The following LRRTM4 variants were observed in gnomAD, a reference collection of about 807,000 sequenced individuals.
LRRTM4 encodes the protein leucine-rich repeat transmembrane neuronal protein 4.
A neutral mutation model predicts 47.6 loss-of-function variants in LRRTM4; 25 were observed. That is an observed-to-expected ratio of 0.53 (90% CI 0.38 to 0.73). The LOEUF (loss-of-function observed/expected upper bound fraction) is 0.73, where lower values mean the gene tolerates loss of function less well. Among genes scored for constraint, LRRTM4 ranks in the 30% least tolerant of loss-of-function variants. The probability of loss-of-function intolerance (pLI) is 0.00; values close to 1 mark genes in which losing one functional copy is unlikely to be tolerated. For synonymous variants in LRRTM4, 311 were observed against 269.5 expected (o/e 1.15, Z -1.51); for missense variants, 638 against 713.4 (o/e 0.89, Z 1.20).
chr2:77,458,350 T>G (rs1328978562), intron 3 of LRRTM4, among the ~76,000 whole-genome samples: 1 of 152,094 alleles, frequency 6.6e-6, no homozygotes, highest in Non-Finnish European at 1.5e-5. Context: ...GTCGTTTCTT[T>G]TTGTGTTTCT....
chr2:77,453,147 G>C (rs1028618891), intron 3 of LRRTM4, among the ~76,000 whole-genome samples: 2 of 138,086 alleles, frequency 1.4e-5, no homozygotes, highest in Admixed American at 7.2e-5. Context: ...ATATTCCACT[G>C]TAATTTTGAT....
chr2:77,078,380 C>CCA (rs59703273), intron 3 of LRRTM4, among the ~76,000 whole-genome samples: 16,312 of 139,200 alleles, frequency 0.12, 905 homozygotes, highest in Admixed American at 0.18. Flanking sequence ...ACACACACAC[C>CCA]CACACACACA....
intron 3 of LRRTM4, among the ~76,000 whole-genome samples, chr2:77,128,020 G>A (rs545061357): frequency 1.3e-5 from 2 of 152,030 alleles, no homozygotes; most frequent in Non-Finnish European, 2.9e-5. Context: ...GCGCACGCCT[G>A]TAATCCCAGC....
chr2:76,785,845 A>G (rs1312859068), intron 3 of LRRTM4, among the ~76,000 whole-genome samples: 2 of 152,162 alleles, frequency 1.3e-5, no homozygotes, highest in African/African-American at 4.8e-5. Flanking sequence ...ATTTTAAAAG[A>G]CAAGGATCAG....
chr2:77,468,176 T>C (rs1041390801), intron 3 of LRRTM4, among the ~76,000 whole-genome samples: 6 of 152,150 alleles, frequency 3.9e-5, no homozygotes, highest in Non-Finnish European at 7.4e-5. Context: ...AACTAAAGGA[T>C]AGGAAAATAG....
chr2:76,932,762 C>T (rs1391655672), intron 3 of LRRTM4, among the ~76,000 whole-genome samples: 2 of 151,758 alleles, frequency 1.3e-5, no homozygotes, highest in Non-Finnish European at 2.9e-5. Flanking sequence ...CATATACACA[C>T]GTGTGTATAC....
At chr2:77,144,256 C>G (rs571741035) in intron 3 of LRRTM4, among the ~76,000 whole-genome samples, 1 of 152,142 alleles carries the variant, frequency 6.6e-6, no homozygotes, top group Admixed American at 6.5e-5. Context: ...AACAGTCACT[C>G]TGTGTAATTA....
chr2:77,142,300 G>T (rs986572989), intron 3 of LRRTM4, among the ~76,000 whole-genome samples: 1 of 152,104 alleles, frequency 6.6e-6, no homozygotes. Flanking sequence ...CCTCTGTGTT[G>T]TTGTAGCATG....
chr2:76,814,353 T>C (rs911451503), intron 3 of LRRTM4, among the ~76,000 whole-genome samples: 2 of 152,030 alleles, frequency 1.3e-5, no homozygotes, highest in African/African-American at 4.8e-5. Context: ...AAAAGAATTG[T>C]AGTAAGCTAA....
intron 3 of LRRTM4, among the ~76,000 whole-genome samples, chr2:77,149,089 A>T (rs1042714797): frequency 6.6e-6 from 1 of 152,202 alleles, no homozygotes; most frequent in Non-Finnish European, 1.5e-5. Context: ...GACCTGTATT[A>T]GTAAGTACTG....
At chr2:77,427,148 T>A (rs1226349744) in intron 3 of LRRTM4, among the ~76,000 whole-genome samples, 1 of 152,044 alleles carries the variant, frequency 6.6e-6, no homozygotes, top group Non-Finnish European at 1.5e-5. Flanking sequence ...CCAGCTAATT[T>A]TTGTATTTTT....
At chr2:77,437,425 C>T (rs1228910569) in intron 3 of LRRTM4, among the ~76,000 whole-genome samples, 2 of 151,844 alleles carry the variant, frequency 1.3e-5, no homozygotes, top group Non-Finnish European at 2.9e-5. Flanking sequence ...ACTTTTTAAG[C>T]CATGGTGTTA....
intron 3 of LRRTM4, among the ~76,000 whole-genome samples, chr2:77,094,430 C>G (rs1385785625): frequency 6.6e-6 from 1 of 151,666 alleles, no homozygotes; most frequent in African/African-American, 2.4e-5. Context: ...AAAAAAAATC[C>G]TGAAATTTGT....
intron 3 of LRRTM4, among the ~76,000 whole-genome samples, chr2:77,327,761 C>T (rs1449214127): frequency 6.6e-6 from 1 of 151,636 alleles, no homozygotes; most frequent in Non-Finnish European, 1.5e-5. Flanking sequence ...CCCCTTGAAA[C>T]CAATACAATA....
chr2:76,891,739 T>C lies in LRRTM4; in HGVS notation c.1552-142823A>G, dbSNP rs922743508. Among the ~76,000 whole-genome samples, 4 of 151,658 alleles carry C rather than the reference T, an allele frequency of 2.6e-5. No individual in the cohort carries two copies. In the South Asian group the frequency reaches 6.2e-4, roughly 24 times the overall value. On this transcript the variant is annotated intron_variant, in intron 3 of 3. Coordinates refer to ENST00000409884, the MANE Select transcript of LRRTM4 (RefSeq NM_001134745.3). ...TCCAAATGAAAAAGATATCTAAACA[T>C]ACCAAACAAATCCATATAAGTACTA...
intron 3 of LRRTM4, among the ~76,000 whole-genome samples, chr2:76,852,587 T>C: frequency 6.6e-6 from 1 of 152,208 alleles, no homozygotes; most frequent in East Asian, 1.9e-4. Context: ...TATACATTCC[T>C]TTTTATAAAA....
chr2:77,502,414 A>G (rs1293937461), intron 3 of LRRTM4, among the ~76,000 whole-genome samples: 2 of 151,534 alleles, frequency 1.3e-5, no homozygotes, highest in African/African-American at 2.4e-5. Context: ...ACAAAACTGT[A>G]TACCGTAAAG....
Position 76,748,669 on chromosome 2 carries a change from T to TAC in LRRTM4, c.*25_*26insGT. The TAC allele has an allele frequency of 7.3e-7, 1 of 1,362,946 alleles. No individual in the cohort carries two copies. The highest frequency in any genetic ancestry group is 1.0e-6 in the Non-Finnish European group (1 of 961,448). The allele number at this position is 1,362,946 out of a possible 1,614,324, so 84.4% of individuals were successfully genotyped here. A position where few individuals can be genotyped will look rare whatever the true frequency, so the allele number is the denominator to read the frequency against. On this transcript the variant is annotated 3_prime_UTR_variant, in exon 4 of 4. Coordinates refer to ENST00000409884, the MANE Select transcript of LRRTM4 (RefSeq NM_001134745.3). ...AGGCCCTCCCTCCCCCCCATGGAGC[T>TAC]CCCCAGTGAGGAGTTGGCTTCAGCG...
chr2:76,801,004 C>A (rs1675644448), intron 3 of LRRTM4, among the ~76,000 whole-genome samples: 1 of 146,668 alleles, frequency 6.8e-6, no homozygotes, highest in African/African-American at 2.5e-5. Flanking sequence ...ATTAAAAAGG[C>A]AGGAAACAAC....
Sources: gnomAD v4.1 joint callset for allele counts (sites outside exome capture counted in the v4.1 genomes callset) on GRCh38, gnomAD v4.1.1 for gene constraint, MANE v1.5 for transcripts, NCBI Gene and HGNC (gene_info 2026-07-23, HGNC 2026-07-21) for gene names.